STK39: variants seen among roughly 807,000 people sequenced by gnomAD.
STK39 encodes STE20/SPS1-related proline-alanine-rich protein kinase.
A neutral mutation model predicts 77.8 loss-of-function variants in STK39; 20 were observed. The ratio of observed to expected loss-of-function variants is 0.26; its 90% CI spans 0.18 to 0.37. The LOEUF (loss-of-function observed/expected upper bound fraction) is 0.37, where lower values mean the gene tolerates loss of function less well. STK39 is among the 10% of genes least tolerant of loss of function. STK39 has a pLI of 1.00. For synonymous variants in STK39, 246 were observed against 234.1 expected (o/e 1.05, Z -0.47); for missense variants, 479 against 656.5 (o/e 0.73, Z 2.95).
intron 10 of STK39, among the ~76,000 whole-genome samples, chr2:168,112,725 C>A (rs761674103): frequency 6.6e-6 from 1 of 152,112 alleles, no homozygotes; most frequent in African/African-American, 2.4e-5. Context: ...TTAATACCAG[C>A]GGTTTGGACC....
chr2:168,228,904 A>T lies in STK39; in HGVS notation c.208+18324T>A, dbSNP rs1428434075. On this transcript the variant is annotated intron_variant, in intron 1 of 17. Transcript: ENST00000355999. The stretch of plus-strand genomic sequence containing the variant: ...AAAGGAACTCAGGCCAGCCACAGGA[A>T]GGACACTCCACAATTCTAATCCCAC... Among the ~76,000 whole-genome samples, 6 of 152,308 alleles carry T rather than the reference A, an allele frequency of 3.9e-5. No individual in the cohort carries two copies. The East Asian group carries it at 1.2e-3, about 29-fold the overall frequency.
intron 14 of STK39, among the ~76,000 whole-genome samples, chr2:168,049,805 C>A (rs4668011): frequency 0.5 from 76,445 of 152,010 alleles, 20,106 homozygotes; most frequent in Non-Finnish European, 0.56. Flanking sequence ...GTCTGTGTTC[C>A]TACTCTTCCT....
intron 5 of STK39, among the ~76,000 whole-genome samples, chr2:168,142,613 T>C (rs1221945028): frequency 1.5e-4 from 23 of 152,198 alleles, no homozygotes. Context: ...TTTAAAAAGT[T>C]AGAAAACAGC....
chr2:168,040,835 C>A (rs1685085151), intron 14 of STK39, among the ~76,000 whole-genome samples: 1 of 152,108 alleles, frequency 6.6e-6, no homozygotes, highest in Admixed American at 6.6e-5. Context: ...GGTTCTTTTC[C>A]CTTGACACTT....
At chr2:168,198,472 T>C (rs1030967051) in intron 1 of STK39, among the ~76,000 whole-genome samples, 1 of 152,212 alleles carries the variant, frequency 6.6e-6, no homozygotes, top group African/African-American at 2.4e-5. Flanking sequence ...TCTTGAAAAG[T>C]TGCTGTATTT....
At chr2:168,156,803 T>C (rs145646179) in intron 5 of STK39, among the ~76,000 whole-genome samples, 7 of 152,336 alleles carry the variant, frequency 4.6e-5, no homozygotes, top group Non-Finnish European at 1.0e-4. Flanking sequence ...TGCTCATAAA[T>C]GTGATGACAT....
intron 1 of STK39, among the ~76,000 whole-genome samples, 154 bp downstream of exon 1, chr2:168,247,061 TAAAAAAAAAAAAA>T (rs755613797): frequency 4.5e-4 from 40 of 89,294 alleles, no homozygotes; most frequent in African/African-American, 1.3e-3. Context: ...CATTAAAAAT[TAAAAAAAAAAAAA>T]AAAAAAAAAA....
At chr2:168,063,093 G>C (rs1025766772) in intron 14 of STK39, among the ~76,000 whole-genome samples, 3 of 152,042 alleles carry the variant, frequency 2.0e-5, no homozygotes, top group African/African-American at 7.2e-5. Context: ...AAAATGTTCT[G>C]AACAGGCAAC....
chr2:167,980,305 C>T (rs764227795), intron 16 of STK39, among the ~76,000 whole-genome samples: 19 of 152,146 alleles, frequency 1.2e-4, no homozygotes, highest in South Asian at 1.2e-3. Flanking sequence ...AGAAATATGC[C>T]AAAGGAAAAG....
intron 1 of STK39, among the ~76,000 whole-genome samples, chr2:168,243,279 T>A (rs1243278423): frequency 6.6e-6 from 1 of 152,152 alleles, no homozygotes; most frequent in African/African-American, 2.4e-5. Flanking sequence ...CTATTTACAA[T>A]CTCATTTTAC....
At chr2:168,025,349 C>T (rs1226571074) in intron 14 of STK39, among the ~76,000 whole-genome samples, 1 of 152,226 alleles carries the variant, frequency 6.6e-6, no homozygotes, top group East Asian at 1.9e-4. Flanking sequence ...CTCTCAGATA[C>T]ATTTCCCTTC....
chr2:168,122,217 A>C (rs980943482), intron 10 of STK39, among the ~76,000 whole-genome samples: 1 of 151,972 alleles, frequency 6.6e-6, no homozygotes. Flanking sequence ...CCTCATGTCT[A>C]TTGTTCCCTT....
At chr2:168,087,648 T>G (rs532171202) in intron 10 of STK39, among the ~76,000 whole-genome samples, 1 of 152,210 alleles carries the variant, frequency 6.6e-6, no homozygotes, top group African/African-American at 2.4e-5. Flanking sequence ...ATAAATCAAG[T>G]AAGCCAAGTC....
At chr2:168,190,817 C>A (rs150579015) in intron 1 of STK39, among the ~76,000 whole-genome samples, 6 of 152,124 alleles carry the variant, frequency 3.9e-5, no homozygotes, top group African/African-American at 1.4e-4. Context: ...CAAAGTCCAA[C>A]GATCTGGCAA....
intron 1 of STK39, among the ~76,000 whole-genome samples, chr2:168,216,911 G>A (rs1559150764): frequency 6.6e-6 from 1 of 152,076 alleles, no homozygotes; most frequent in South Asian, 2.1e-4. Flanking sequence ...CAACCAACCC[G>A]CTAGGAACAA....
In STK39 at chr2:168,078,057, T is replaced by C. The variant is rs373886819; in HGVS notation, c.1090-2826A>G. On this transcript the variant is annotated intron_variant, in intron 10 of 17. Transcript: ENST00000355999. The stretch of plus-strand genomic sequence containing the variant: ...CTCATTTAGTAAAGCCAAGAGGTGG[T>C]AGAAAGAATTTATTCTCTATTTTCT... Among the ~76,000 whole-genome samples the C allele has an allele frequency of 8.5e-5, 13 of 152,290 alleles. No individual in the cohort carries two copies. The East Asian group carries it at 2.1e-3, about 25-fold the overall frequency.
At chr2:168,172,967 G>T (rs879761773) in intron 2 of STK39, among the ~76,000 whole-genome samples, 5 of 152,166 alleles carry the variant, frequency 3.3e-5, no homozygotes, top group South Asian at 4.1e-4. Flanking sequence ...CCGGCCCCAG[G>T]GAGGCTGCTG....
intron 14 of STK39, among the ~76,000 whole-genome samples, chr2:168,040,626 A>T (rs969638960): frequency 5.9e-5 from 9 of 152,238 alleles, no homozygotes; most frequent in African/African-American, 2.2e-4. Context: ...TTCTTCACCT[A>T]GAATTTTAAG....
intron 1 of STK39, among the ~76,000 whole-genome samples, chr2:168,239,192 C>A (rs1283239190): frequency 6.6e-6 from 1 of 152,180 alleles, no homozygotes. Flanking sequence ...GATTCCTACA[C>A]AGGAAGAGGC....
Sources: gnomAD v4.1 joint callset for allele counts (sites outside exome capture counted in the v4.1 genomes callset) on GRCh38, gnomAD v4.1.1 for gene constraint, MANE v1.5 for transcripts, NCBI Gene and HGNC (gene_info 2026-07-23, HGNC 2026-07-21) for gene names.